The following SSU72 variants were observed in gnomAD, a reference collection of about 807,000 sequenced individuals.
SSU72 encodes the protein SSU72 homolog, RNA polymerase II CTD phosphatase, also known as RNA polymerase II subunit A C-terminal domain phosphatase SSU72.
In SSU72, 12 loss-of-function variants were observed where a neutral mutation model predicts 22.7. The ratio of observed to expected loss-of-function variants is 0.53; its 90% confidence interval spans 0.34 to 0.86. The LOEUF is 0.86. SSU72 is among the 40% of genes least tolerant of loss of function. The pLI is 0.02. For missense variants in SSU72, 151 were observed against 249.8 expected (o/e 0.60, Z 2.67); for synonymous variants, 116 against 98.3 (o/e 1.18, Z -1.06).
chr1:1,569,805 A>T (rs1009607679), intron 1 of SSU72, among the ~76,000 whole-genome samples: 1 of 152,104 alleles, frequency 6.6e-6, no homozygotes, highest in African/African-American at 2.4e-5. Flanking sequence ...GCCAGGCCCA[A>T]AATTTTTAAA....
intron 2 of SSU72, chr1:1,561,646 C>T (rs1050357022): frequency 6.6e-6 from 1 of 152,336 alleles, no homozygotes; most frequent in Non-Finnish European, 1.5e-5. Flanking sequence ...CACCCGGCAT[C>T]GTGCCAGTGT....
chr1:1,560,284 C>A (rs1309710057), intron 2 of SSU72, among the ~76,000 whole-genome samples: 1 of 152,136 alleles, frequency 6.6e-6, no homozygotes, highest in Non-Finnish European at 1.5e-5. Context: ...CTCAGCTTCC[C>A]GAGTAGCTGT....
chr1:1,574,522 G>T lies in SSU72; in HGVS notation c.36C>A (p.Cys12Ter). 1 of 1,592,160 alleles carries T rather than the reference G, an allele frequency of 6.3e-7. No individual in the cohort carries two copies. Among genetic ancestry groups the T allele is most frequent in the African/African-American group, 1.4e-5 (1 of 71,914 alleles). The change falls in exon 1 of 5, where the codon TGC becomes TGA. Residue 12 changes from cysteine to a stop codon, truncating the protein, a stop_gained. Coordinates refer to ENST00000291386, the MANE Select transcript of SSU72 (RefSeq NM_014188.3). LOFTEE classifies it high-confidence loss of function. The part of the protein sequence containing the change: ...PSSPLRVAVV[C>*]SSNQNRSMEA... ...CCATGCTCCGGTTCTGGTTGCTCGA[G>T]CACACCACCGCCACCCGCAGCGGGG...
At position 1,553,568 on chromosome 1, in the gene SSU72, G is replaced by A. The variant is rs545619516; in HGVS notation, c.225-8566C>T. ...AGGCCAGCAGATCATAAGGTCAGGAGATCGAGACCATCCTGGCTAACACGG... is the reference window on the plus strand; with the variant it reads ...AGGCCAGCAGATCATAAGGTCAGGAAATCGAGACCATCCTGGCTAACACGG... On this transcript the variant is annotated intron_variant, in intron 2 of 4. Transcript: ENST00000291386. 4.1e-5 allele frequency among the ~76,000 whole-genome samples: 6 copies of A among 146,100 alleles called. No individual in the cohort carries two copies. The East Asian group carries it at 1.2e-3, about 30-fold the overall frequency.
chr1:1,555,501 C>T (rs1028867283), intron 2 of SSU72, among the ~76,000 whole-genome samples: 1 of 152,102 alleles, frequency 6.6e-6, no homozygotes, highest in African/African-American at 2.4e-5. Context: ...GAGGGAGTGT[C>T]GTGCATGTGG....
Position 1,544,002 on chromosome 1 carries a change from G to A in SSU72, c.365-15C>T. ...GGAATTCAGATCTGATTGGGACAAG[G>A]TGACACAGACGTCAGAGGCTCCAAA... On this transcript the variant is annotated splice_polypyrimidine_tract_variant and intron_variant, in intron 3 of 4. Coordinates refer to ENST00000291386, the MANE Select transcript of SSU72 (RefSeq NM_014188.3). The A allele has an allele frequency of 1.3e-6, 2 of 1,598,650 alleles. No homozygotes were observed. Among genetic ancestry groups the A allele is most frequent in the Non-Finnish European group, 1.7e-6 (2 of 1,167,344 alleles).
rs756729285 is a variant in SSU72 at position 1,542,253 on chromosome 1, G to A, written c.484-86C>T. ...ACCTGGATCGCCAGGGAAACGCCAG[G>A]CCTGAGCCAGCAGAAACCAGCGCAG... is the stretch of plus-strand genomic sequence containing the variant. On this transcript the variant is annotated intron_variant, in intron 4 of 4. Coordinates refer to ENST00000291386, the MANE Select transcript of SSU72 (RefSeq NM_014188.3). This position sits in a 1 kb window ranked among gnomAD's most constrained non-coding sequence, Gnocchi z 4.4. 20 of 1,311,034 alleles carry A rather than the reference G, an allele frequency of 1.5e-5. No homozygotes were observed. The highest frequency in any genetic ancestry group is 8.8e-5 in the African/African-American group (6 of 68,302). The allele number at this position is 1,311,034 out of a possible 1,614,324, so 81.2% of individuals were successfully genotyped here.
intron 2 of SSU72, among the ~76,000 whole-genome samples, chr1:1,557,488 G>C (rs1054704185): frequency 8.6e-6 from 1 of 115,626 alleles, no homozygotes; most frequent in Admixed American, 8.6e-5. Context: ...CTATTCATCT[G>C]AATTAGCATA....
intron 1 of SSU72, among the ~76,000 whole-genome samples, chr1:1,568,542 C>T (rs1336129228): frequency 6.6e-6 from 1 of 151,552 alleles, no homozygotes; most frequent in Non-Finnish European, 1.5e-5. Flanking sequence ...AGGTGGAGGT[C>T]GCAGTGGGCC....
intron 2 of SSU72, chr1:1,564,394 G>GCACA (rs1215689231): frequency 7.5e-6 from 10 of 1,326,066 alleles, no homozygotes; most frequent in African/African-American, 1.5e-5. Context: ...AGGCACGCAC[G>GCACA]CACACACGCA....
chr1:1,543,920 G>A lies in SSU72; in HGVS notation c.432C>T (p.Asn144=). The A allele has an allele frequency of 6.2e-7, 1 of 1,614,050 alleles. No homozygotes were observed. The highest frequency in any genetic ancestry group is 8.5e-7 in the Non-Finnish European group (1 of 1,179,978). Residue 144 remains asparagine, a synonymous_variant, in exon 4 of 5, where the codon AAC becomes AAT. Transcript: ENST00000291386. The stretch of plus-strand genomic sequence containing the variant: ...ACGCCCCCAGGGTGGCCTCCTCGTG[G>A]TTGTCCTGGATGTCCACATTGACCA... ...VHVVNVDIQD[N]HEEATLGAFL...
In SSU72 at chr1:1,542,292, AC is replaced by A. The variant is rs1018329553; in HGVS notation, c.484-126del. On this transcript the variant is annotated intron_variant, in intron 4 of 4. Transcript: ENST00000291386. The surrounding 1 kb of genome is among the most constrained non-coding windows in gnomAD (Gnocchi z 4.4). ...AAACCAGCGCAGCAGGCAGGCCCTC[AC>A]CCCACCGCTGCTGCCTCACAAGGAC... 2.3e-6 allele frequency: 2 copies of A among 858,958 alleles called. No homozygotes were observed. Among genetic ancestry groups the A allele is most frequent in the African/African-American group, 1.7e-5 (1 of 58,838 alleles). 53.2% of individuals were successfully genotyped at this position (858,958 alleles called of 1,614,324 possible).
chr1:1,553,745 C>G (rs1642483184), intron 2 of SSU72, among the ~76,000 whole-genome samples: 1 of 150,974 alleles, frequency 6.6e-6, no homozygotes, highest in South Asian at 2.1e-4. Flanking sequence ...GAGCCGAGAC[C>G]ACGCCACTGC....
chr1:1,558,363 G>A (rs1557501179), intron 2 of SSU72, among the ~76,000 whole-genome samples: 2 of 152,094 alleles, frequency 1.3e-5, no homozygotes, highest in African/African-American at 2.4e-5. Context: ...GAGACGCCCT[G>A]TCTCAAAACC....
intron 2 of SSU72, among the ~76,000 whole-genome samples, chr1:1,551,046 A>G (rs1273543526): frequency 6.6e-6 from 1 of 152,134 alleles, no homozygotes; most frequent in Non-Finnish European, 1.5e-5. Context: ...TACAGGGCAG[A>G]GCAGGCCTGG....
chr1:1,557,487 T>C (rs1419731812), intron 2 of SSU72, among the ~76,000 whole-genome samples: 1 of 119,522 alleles, frequency 8.4e-6, no homozygotes, highest in African/African-American at 4.8e-5. Flanking sequence ...ACTATTCATC[T>C]GAATTAGCAT....
chr1:1,564,006 A>G (rs375646482), intron 2 of SSU72: 1 of 153,156 alleles, frequency 6.5e-6, no homozygotes, highest in Non-Finnish European at 1.5e-5. Flanking sequence ...TTTGACACCT[A>G]TTCTCTTTTC....
chr1:1,548,266 A>G (rs1314148212), intron 2 of SSU72, among the ~76,000 whole-genome samples: 1 of 152,168 alleles, frequency 6.6e-6, no homozygotes, highest in African/African-American at 2.4e-5. Context: ...ACATCTAAGA[A>G]ATAAACTCCC....
rs1368725128 is a variant in SSU72, at chr1:1,554,426, C to T, written c.225-9424G>A. On this transcript the variant is annotated intron_variant, in intron 2 of 4. Transcript: ENST00000291386. This position sits in a 1 kb window ranked among gnomAD's most constrained non-coding sequence, Gnocchi z 4.1. ...CCCACGAGCCCTCGCTGACCACCCACACCCATTTGATGTGGTTGCTCTCAG... is the reference window on the plus strand; with the variant it reads ...CCCACGAGCCCTCGCTGACCACCCATACCCATTTGATGTGGTTGCTCTCAG... Among the ~76,000 whole-genome samples the T allele has an allele frequency of 1.3e-5, 2 of 152,232 alleles. No homozygotes were observed. Among genetic ancestry groups the T allele is most frequent in the Admixed American group, 6.5e-5 (1 of 15,290 alleles).
Sources: allele counts gnomAD v4.1 joint callset (sites outside exome capture counted in the v4.1 genomes callset), GRCh38; gene constraint gnomAD v4.1.1; non-coding constraint Gnocchi (gnomAD v3.1); transcripts MANE v1.5; gene names NCBI Gene and HGNC (gene_info 2026-07-23, HGNC 2026-07-21).